Variants in ZNF516 observed in about 807,000 individuals in gnomAD.
ZNF516 encodes the protein zinc finger protein 516.
In ZNF516, 19 loss-of-function variants were observed where a neutral mutation model predicts 79.7. The ratio of observed to expected loss-of-function variants is 0.24; its 90% CI spans 0.17 to 0.35. The LOEUF is 0.35. ZNF516 is among the 10% of genes least tolerant of loss of function. The pLI, the probability that ZNF516 is intolerant of heterozygous loss-of-function variation, is 1.00. For synonymous variants in ZNF516, 877 were observed against 739.5 expected, an observed-to-expected ratio of 1.19 and a Z score of -3.02; for missense variants, 1,678 against 1,679.5, an observed-to-expected ratio of 1.00 and a Z score of 0.02.
chr18:76,375,723 G>A (rs1238510359), intron 4 of ZNF516, among the ~76,000 whole-genome samples: 2 of 145,610 alleles, frequency 1.4e-5, no homozygotes, highest in Admixed American at 6.8e-5. Flanking sequence ...GAAGGGCCAA[G>A]AGACCAGGTA....
chr18:76,487,901 G>A (rs1914922317), intron 1 of ZNF516: 8 of 984,324 alleles, frequency 8.1e-6, no homozygotes, highest in Middle Eastern at 1.0e-3. Context: ...TGGAAGGACT[G>A]AGGATGAGAG....
intron 3 of ZNF516, among the ~76,000 whole-genome samples, chr18:76,397,380 A>C (rs937435032): frequency 2.0e-5 from 3 of 152,236 alleles, no homozygotes; most frequent in African/African-American, 7.2e-5. Flanking sequence ...AAAAAGAAAA[A>C]AAAATCTGAA....
chr18:76,374,678 G>A (rs541823177), intron 4 of ZNF516, among the ~76,000 whole-genome samples: 26 of 152,298 alleles, frequency 1.7e-4, no homozygotes, highest in African/African-American at 5.5e-4. Flanking sequence ...GCATGTACAC[G>A]TGAGATGACT....
Position 76,380,244 on chromosome 18 carries a change from C to T in ZNF516, c.1870G>A (p.Gly624Arg). Reference protein sequence around the residue: ...EEVTSTELSSGDQSHKMGDNA... With the variant: ...EEVTSTELSSRDQSHKMGDNA... ...TCTCCCATCTTGTGACTCTGGTCTC[C>T]ACTGGAGAGCTCGGTCGAAGTCACC... Residue 624 changes from glycine (G) to arginine (R), a missense_variant, in exon 4 of 7, where the codon GGA becomes AGA. Transcript: ENST00000443185. 6.2e-7 allele frequency: 1 copy of T among 1,613,956 alleles called. No individual in the cohort carries two copies. Among genetic ancestry groups the T allele is most frequent in the Non-Finnish European group, 8.5e-7 (1 of 1,179,900 alleles).
chr18:76,458,064 C>A (rs562505168), intron 2 of ZNF516, among the ~76,000 whole-genome samples: 3 of 152,300 alleles, frequency 2.0e-5, no homozygotes, highest in South Asian at 4.1e-4. Flanking sequence ...GTTTTAAATA[C>A]GCAGAGGGCC....
At chr18:76,473,352 C>A (rs1599144798) in intron 1 of ZNF516, among the ~76,000 whole-genome samples, 2 of 95,126 alleles carry the variant, frequency 2.1e-5, no homozygotes, top group Admixed American at 1.3e-4. Context: ...TATTTGCTCT[C>A]TGCAAAAAAA....
At chr18:76,402,273 G>A (rs1230089983) in intron 3 of ZNF516, among the ~76,000 whole-genome samples, 12 of 152,230 alleles carry the variant, frequency 7.9e-5, no homozygotes, top group Admixed American at 7.8e-4. Context: ...CCGCGCAGCT[G>A]CCTCCAGAGA....
Position 76,493,028 on chromosome 18 carries a change from C to A in ZNF516, c.-272+2116G>T. The A allele has an allele frequency of 1.0e-6, 1 of 985,530 alleles. No homozygotes were observed. Among genetic ancestry groups the A allele is most frequent in the Non-Finnish European group, 1.2e-6 (1 of 830,044 alleles). 61.0% of individuals were successfully genotyped at this position (985,530 alleles called of 1,614,324 possible). On this transcript the variant is annotated intron_variant, in intron 1 of 6. Transcript: ENST00000443185. The surrounding 1 kb of genome is among the most constrained non-coding windows in gnomAD (Gnocchi z 5.2). ...AAATTACCTCCGGGATGGAGAAAGC[C>A]GCTGCGGATTGGCCAGCAGAGCCGT...
chr18:76,487,238 C>T (rs1914883709), intron 1 of ZNF516, among the ~76,000 whole-genome samples: 2 of 152,152 alleles, frequency 1.3e-5, no homozygotes, highest in Admixed American at 1.3e-4. Context: ...ACGATGATGG[C>T]TCTAGCTTTG....
At chr18:76,465,169 A>T (rs1018147989) in intron 1 of ZNF516, among the ~76,000 whole-genome samples, 2 of 152,206 alleles carry the variant, frequency 1.3e-5, no homozygotes, top group Non-Finnish European at 2.9e-5. Flanking sequence ...TCAGTTTTTT[A>T]AACTAAGCAC....
intron 2 of ZNF516, among the ~76,000 whole-genome samples, chr18:76,454,928 A>G (rs1276795601): frequency 1.3e-5 from 2 of 152,200 alleles, no homozygotes; most frequent in Middle Eastern, 6.3e-3. Flanking sequence ...AAGCCAAAAC[A>G]TCTTGCCCAG....
chr18:76,418,862 G>A (rs1296180709), intron 3 of ZNF516, among the ~76,000 whole-genome samples: 1 of 152,268 alleles, frequency 6.6e-6, no homozygotes, highest in African/African-American at 2.4e-5. Context: ...AAAGCCTTGT[G>A]ACCTAGGATA....
At chr18:76,401,580 G>A (rs1045536344) in intron 3 of ZNF516, among the ~76,000 whole-genome samples, 4 of 151,982 alleles carry the variant, frequency 2.6e-5, no homozygotes, top group African/African-American at 9.7e-5. Flanking sequence ...GGCCATCTCC[G>A]AAACGCCCTG....
At chr18:76,423,176 G>C (rs551644143) in intron 3 of ZNF516, among the ~76,000 whole-genome samples, 1 of 152,334 alleles carries the variant, frequency 6.6e-6, no homozygotes, top group South Asian at 2.1e-4. Context: ...TACAAGGGAA[G>C]GGATGCATAT....
chr18:76,387,947 A>G, intron 3 of ZNF516: 1 of 152,454 alleles, frequency 6.6e-6, no homozygotes, highest in East Asian at 1.9e-4. Flanking sequence ...CCCAAACCCC[A>G]GGCTCCAAGA....
At chr18:76,491,323 C>A (rs1166437228) in intron 1 of ZNF516, among the ~76,000 whole-genome samples, 1 of 126,682 alleles carries the variant, frequency 7.9e-6, no homozygotes, top group Non-Finnish European at 1.7e-5. Flanking sequence ...TCCGCTCGCT[C>A]CCCCCAACCC....
chr18:76,448,822 CAA>C lies in ZNF516; in HGVS notation c.-157-5613_-157-5612del, dbSNP rs771992723. 2.0e-5 allele frequency among the ~76,000 whole-genome samples: 3 copies of C among 152,248 alleles called. No individual in the cohort carries two copies. The East Asian group carries it at 5.8e-4, about 29-fold the overall frequency. On this transcript the variant is annotated intron_variant, in intron 2 of 6. Transcript: ENST00000443185. ...AAAAAGCACCCGGCTTCAAGGAACT[CAA>C]AGTCAGACAGGGAAGCATACTATTA...
Position 76,442,853 on chromosome 18 carries a change from C to T in ZNF516, c.202G>A (p.Asp68Asn). 2 of 1,613,470 alleles carry T rather than the reference C, an allele frequency of 1.2e-6. No individual in the cohort carries two copies. Among genetic ancestry groups the T allele is most frequent in the African/African-American group, 1.3e-5 (1 of 75,062 alleles). Residue 68 changes from aspartate to asparagine, a missense_variant, in exon 3 of 7, where the codon GAC (aspartate) becomes AAC (asparagine). This residue lies in a region of ZNF516 where 26 missense variants were observed against 66.4 expected (regional missense o/e 0.39). Coordinates refer to ENST00000443185, the MANE Select transcript of ZNF516 (RefSeq NM_014643.4). ...GEKPYKCPYC[D>N]HRASQKGNLK... Reference sequence around the variant, plus strand: ...TTGCCCTTCTGGGAAGCCCGGTGGTCGCAGTAGGGACACTTGTAGGGCTTC... The same window carrying T: ...TTGCCCTTCTGGGAAGCCCGGTGGTTGCAGTAGGGACACTTGTAGGGCTTC...
At chr18:76,368,230 C>T (rs1460967942) in intron 6 of ZNF516, among the ~76,000 whole-genome samples, 1 of 152,044 alleles carries the variant, frequency 6.6e-6, no homozygotes, top group Non-Finnish European at 1.5e-5. Context: ...TAAACCTCTA[C>T]CTATTACTGA....
Sources: allele counts gnomAD v4.1 joint callset (sites outside exome capture counted in the v4.1 genomes callset), GRCh38; gene constraint gnomAD v4.1.1; regional missense constraint gnomAD v4.1.1; non-coding constraint Gnocchi (gnomAD v3.1); transcripts MANE v1.5; gene names NCBI Gene and HGNC (gene_info 2026-07-23, HGNC 2026-07-21).